The following DNAH10 variants were observed in gnomAD, a reference collection of about 807,000 sequenced individuals.
The protein encoded by DNAH10 is axonemal beta dynein heavy chain 10.
In DNAH10, 348 loss-of-function variants were observed where a neutral mutation model predicts 506.6. That is an observed-to-expected ratio of 0.69 (90% CI 0.63 to 0.75). DNAH10 has a LOEUF of 0.75. Among genes scored for constraint, DNAH10 ranks in the 30% least tolerant of loss-of-function variants. The pLI, the probability that DNAH10 is intolerant of heterozygous loss-of-function variation, is 0.00. For synonymous variants in DNAH10, 2,059 were observed against 2,198.6 expected (o/e 0.94, Z 1.78); for missense variants, 5,179 against 5,787.1 (o/e 0.89, Z 3.41).
At chr12:123,921,949 A>G (rs1954749341) in intron 65 of DNAH10, among the ~76,000 whole-genome samples, 1 of 151,668 alleles carries the variant, frequency 6.6e-6, no homozygotes, top group African/African-American at 2.4e-5. Flanking sequence ...TCTTGATCTC[A>G]AGTGATCTGC....
At chr12:123,790,763 T>C (rs1402064248) in intron 11 of DNAH10, among the ~76,000 whole-genome samples, 1 of 151,282 alleles carries the variant, frequency 6.6e-6, no homozygotes, top group Non-Finnish European at 1.5e-5. Flanking sequence ...AGGACAGGAG[T>C]GAGGAAGGAG....
Position 123,859,240 on chromosome 12 carries a change from A to C in DNAH10, c.6721A>C (p.Ile2241Leu). ...CACCAGAGGGGGCAAGTCCGTCGTC[A>C]TTAACACTCTGTGTCAGGCCCAGAC... ...GPTRGGKSVV[I>L]NTLCQAQTKL... The change falls in exon 38 of 79, where the codon ATT (isoleucine) becomes CTT (leucine). Residue 2241 changes from isoleucine (I) to leucine (L), a missense_variant. Ile to Leu is a conservative substitution (Grantham distance 5, BLOSUM62 2). Coordinates refer to ENST00000673944, the MANE Select transcript of DNAH10 (RefSeq NM_001372106.1). 1 of 1,609,504 alleles carries C rather than the reference A, an allele frequency of 6.2e-7. No homozygotes were observed. Among genetic ancestry groups the C allele is most frequent in the African/African-American group, 1.3e-5 (1 of 74,910 alleles).
At position 123,903,986 on chromosome 12, in the gene DNAH10, C is replaced by T. The variant is rs537592978; in HGVS notation, c.9815+873C>T. ...GTAATGGGCTTCCATTCTGGGCTCC[C>T]GCTGGAGCGGTGCATGTTCCCTGTG... On this transcript the variant is annotated intron_variant, in intron 57 of 78. Coordinates refer to ENST00000673944, the MANE Select transcript of DNAH10 (RefSeq NM_001372106.1). The surrounding 1 kb of genome is among the most constrained non-coding windows in gnomAD (Gnocchi z 4.6). 1.3e-5 allele frequency among the ~76,000 whole-genome samples: 2 copies of T among 152,340 alleles called. No individual in the cohort carries two copies. Among genetic ancestry groups the T allele is most frequent in the South Asian group, 4.1e-4 (2 of 4,822 alleles).
intron 51 of DNAH10, among the ~76,000 whole-genome samples, chr12:123,884,532 G>T (rs968691107): frequency 1.3e-5 from 2 of 152,186 alleles, no homozygotes; most frequent in African/African-American, 4.8e-5. Context: ...GGCTTCTCAT[G>T]GCATTCTTAC....
chr12:123,765,023 GT>G (rs1956966722), intron 1 of DNAH10, among the ~76,000 whole-genome samples: 1 of 151,974 alleles, frequency 6.6e-6, no homozygotes, highest in Non-Finnish European at 1.5e-5. Flanking sequence ...GGGACAGGTG[GT>G]TCTGGTCTGT....
At chr12:123,763,502 G>C (rs1339176498) in intron 1 of DNAH10, among the ~76,000 whole-genome samples, 1 of 151,660 alleles carries the variant, frequency 6.6e-6, no homozygotes. Flanking sequence ...AGGGCCGGCA[G>C]ACCTTTGATT....
intron 37 of DNAH10, 62 bp downstream of exon 37, chr12:123,857,309 G>A (rs1951434822): frequency 2.8e-5 from 39 of 1,413,838 alleles, no homozygotes; most frequent in Non-Finnish European, 3.6e-5. Context: ...TTTTGTTTTT[G>A]CAGTTCTTTA....
At chr12:123,890,494 C>G (rs1024015790) in intron 52 of DNAH10, among the ~76,000 whole-genome samples, 2 of 151,718 alleles carry the variant, frequency 1.3e-5, no homozygotes, top group African/African-American at 4.8e-5. Context: ...CTGCATTGCC[C>G]AGGCTGGTCT....
rs761382666 is a variant in DNAH10 at position 123,917,861 on chromosome 12, C to T, written c.11232+48C>T. The T allele has an allele frequency of 2.9e-5, 44 of 1,533,828 alleles. No individual in the cohort carries two copies. Among genetic ancestry groups the T allele is most frequent in the South Asian group, 1.8e-4 (15 of 83,506 alleles). Reference sequence around the variant, plus strand: ...CCGTGAGTCAGGCGGGGCCTGCATGCGCCGTTGGAGCGTCCATTTCTCTGT... The same window carrying T: ...CCGTGAGTCAGGCGGGGCCTGCATGTGCCGTTGGAGCGTCCATTTCTCTGT... On this transcript the variant is annotated intron_variant, in intron 64 of 78. Transcript: ENST00000673944. This position sits in a 1 kb window ranked among gnomAD's most constrained non-coding sequence, Gnocchi z 5.6.
chr12:123,893,491 C>T, intron 53 of DNAH10, 55 bp downstream of exon 53: 1 of 1,596,682 alleles, frequency 6.3e-7, no homozygotes, highest in South Asian at 1.1e-5. Context: ...GAGTGTGTGG[C>T]TGAGGGTCTG....
At chr12:123,891,224 G>C (rs1374574265) in intron 52 of DNAH10, among the ~76,000 whole-genome samples, 7 of 152,126 alleles carry the variant, frequency 4.6e-5, no homozygotes, top group African/African-American at 7.2e-5. Context: ...TGTGCTGTCT[G>C]TCTCTGTGTC....
At chr12:123,834,391 A>G (rs894536920) in intron 27 of DNAH10, among the ~76,000 whole-genome samples, 1 of 152,056 alleles carries the variant, frequency 6.6e-6, no homozygotes, top group Non-Finnish European at 1.5e-5. Flanking sequence ...TATTTTTAGT[A>G]GAGATAGGGT....
chr12:123,848,992 C>A, intron 34 of DNAH10, 110 bp downstream of exon 34: 1 of 1,308,902 alleles, frequency 7.6e-7, no homozygotes, highest in Non-Finnish European at 1.0e-6. Context: ...CCAGACCAGG[C>A]TTCCTGTAGA....
At chr12:123,856,932 A>G (rs1951416052) in intron 36 of DNAH10, 124 bp from the exon 37 acceptor site, 2 of 551,624 alleles carry the variant, frequency 3.6e-6, no homozygotes, top group Admixed American at 8.9e-5. Context: ...TAAAAATAAT[A>G]AAATGTTTAT....
chr12:123,879,934 T>C, intron 50 of DNAH10, 133 bp downstream of exon 50: 1 of 1,097,014 alleles, frequency 9.1e-7, no homozygotes, highest in Non-Finnish European at 1.3e-6. Flanking sequence ...TACGGGCTTG[T>C]GTCTGGTCCG....
chr12:123,880,366 G>T (rs1198948121), intron 50 of DNAH10, among the ~76,000 whole-genome samples: 1 of 151,830 alleles, frequency 6.6e-6, no homozygotes, highest in Admixed American at 6.5e-5. Flanking sequence ...TTGAGACAGG[G>T]TCTCTCTCTG....
chr12:123,926,848 C>T lies in DNAH10; in HGVS notation c.12105+28C>T. ...AATTTGTGGCTGAAAGGAACAAGCT[C>T]TACGTTTAGGGGAGGTCCCTGGTGT... On this transcript the variant is annotated intron_variant, in intron 69 of 78. Transcript: ENST00000673944. The surrounding 1 kb of genome is among the most constrained non-coding windows in gnomAD (Gnocchi z 4.1). The T allele has an allele frequency of 1.2e-6, 2 of 1,611,068 alleles. No homozygotes were observed. The highest frequency in any genetic ancestry group is 1.7e-6 in the Non-Finnish European group (2 of 1,179,276).
chr12:123,770,875 A>G (rs1468707390), intron 2 of DNAH10, among the ~76,000 whole-genome samples: 1 of 152,050 alleles, frequency 6.6e-6, no homozygotes, highest in Non-Finnish European at 1.5e-5. Flanking sequence ...GACTTGAGAC[A>G]GGTGCGTCAT....
At chr12:123,929,156 A>G in intron 70 of DNAH10, 119 bp from the exon 71 acceptor site, 1 of 999,888 alleles carries the variant, frequency 1.0e-6, no homozygotes, top group Non-Finnish European at 1.5e-6. Context: ...TAGCTATTGG[A>G]GGTCTCAGAC....
Sources: gnomAD v4.1 joint callset for allele counts (sites outside exome capture counted in the v4.1 genomes callset) on GRCh38, gnomAD v4.1.1 for gene constraint, Gnocchi (gnomAD v3.1) non-coding constraint, MANE v1.5 for transcripts, NCBI Gene and HGNC (gene_info 2026-07-23, HGNC 2026-07-21) for gene names.